Variants in SLC4A4 observed in about 807,000 individuals in gnomAD.
The protein encoded by SLC4A4 is solute carrier family 4 member 4.
In SLC4A4, 27 loss-of-function variants were observed where a neutral mutation model predicts 111.5. The ratio of observed to expected loss-of-function variants is 0.24; its 90% CI spans 0.18 to 0.33. The LOEUF (loss-of-function observed/expected upper bound fraction) is 0.33, where lower values mean the gene tolerates loss of function less well. Among genes scored for constraint, SLC4A4 ranks in the 10% least tolerant of loss-of-function variants. The pLI is 1.00. For synonymous variants in SLC4A4, 443 were observed against 463.4 expected (o/e 0.96, Z 0.57); for missense variants, 909 against 1,315.5 (o/e 0.69, Z 4.78).
chr4:71,468,735 GA>G (rs5859263), intron 13 of SLC4A4, among the ~76,000 whole-genome samples: 15,810 of 148,654 alleles, frequency 0.11, 1,462 homozygotes, highest in East Asian at 0.46. Flanking sequence ...CATGCTCCAT[GA>G]AAAAAAAAAA....
intron 3 of SLC4A4, among the ~76,000 whole-genome samples, chr4:71,307,560 G>T (rs1424786816): frequency 6.6e-6 from 1 of 152,192 alleles, no homozygotes; most frequent in African/African-American, 2.4e-5. Flanking sequence ...TGATTGCCTT[G>T]TTAAATCGTC....
At chr4:71,267,791 C>CAAAAAAAAAAAAAAAGAAAAAAAAAAA (rs1722381182) in intron 3 of SLC4A4, among the ~76,000 whole-genome samples, 2 of 62,360 alleles carry the variant, frequency 3.2e-5, no homozygotes, top group African/African-American at 8.7e-5. Flanking sequence ...GAGAGTCTGC[C>CAAAAAAAAAAAAAAAGAAAAAAAAAAA]AAAAAAAAAA....
rs184609573 is a variant in SLC4A4 at position 71,388,906 on chromosome 4, A to G, written c.731-8671A>G. Reference sequence around the variant, plus strand: ...TTATATCCAGTGTAATATTATTAGAATAAGACTCTCAATGAATTAGAGCAT... The same window carrying G: ...TTATATCCAGTGTAATATTATTAGAGTAAGACTCTCAATGAATTAGAGCAT... On this transcript the variant is annotated intron_variant, in intron 6 of 25. Coordinates refer to ENST00000264485, the MANE Select transcript of SLC4A4 (RefSeq NM_001098484.3). Among the ~76,000 whole-genome samples, 284 of 152,350 alleles carry G rather than the reference A, an allele frequency of 1.9e-3. 1 individual carries two copies. Among genetic ancestry groups the G allele is most frequent in the Admixed American group, 6.8e-3 (104 of 15,306 alleles).
rs547875281 is a variant in SLC4A4, at chr4:71,163,224, C to A, written c.-2+70432C>A. On this transcript the variant is annotated intron_variant, in intron 2 of 26. Coordinates refer to the SLC4A4 transcript ENST00000649996. ...GGGTGTGGGCTTTATTTTTGTCATT[C>A]CAGTTTTATTAGGTTGTCTACTTTA... 3.3e-5 allele frequency among the ~76,000 whole-genome samples: 5 copies of A among 152,202 alleles called. No individual in the cohort carries two copies. The South Asian group carries it at 1.0e-3, about 32-fold the overall frequency.
intron 1 of SLC4A4, among the ~76,000 whole-genome samples, chr4:71,081,736 G>A (rs1165229288): frequency 2.0e-5 from 3 of 152,038 alleles, no homozygotes; most frequent in African/African-American, 7.3e-5. Context: ...CTTCGAACCC[G>A]GGAATCTAGG....
chr4:71,214,303 T>G (rs1578607111), intron 1 of SLC4A4, among the ~76,000 whole-genome samples: 1 of 152,138 alleles, frequency 6.6e-6, no homozygotes, highest in Non-Finnish European at 1.5e-5. Context: ...GGAAGAGGTT[T>G]GAAAGGGAAT....
intron 1 of SLC4A4, among the ~76,000 whole-genome samples, chr4:71,203,861 A>G (rs1479428748): frequency 6.6e-6 from 1 of 152,216 alleles, no homozygotes; most frequent in Non-Finnish European, 1.5e-5. Context: ...GTAGAAGTAT[A>G]TTAAACTAGA....
intron 2 of SLC4A4, among the ~76,000 whole-genome samples, chr4:71,181,377 T>TGTAAA (rs1745288920): frequency 6.6e-6 from 1 of 152,048 alleles, no homozygotes; most frequent in African/African-American, 2.4e-5. Flanking sequence ...AAAAATAATT[T>TGTAAA]GTAAAGTATG....
At chr4:71,352,386 A>G (rs1578898275) in intron 5 of SLC4A4, among the ~76,000 whole-genome samples, 1 of 152,134 alleles carries the variant, frequency 6.6e-6, no homozygotes. Context: ...ATTTTTTACC[A>G]TAGATGATCA....
chr4:71,076,078 A>G (rs1435155222), intron 1 of SLC4A4, among the ~76,000 whole-genome samples: 2 of 152,126 alleles, frequency 1.3e-5, no homozygotes, highest in Non-Finnish European at 2.9e-5. Context: ...TATTGTTTTT[A>G]TCACAACCTA....
At chr4:71,423,064 G>A (rs1362421455) in intron 7 of SLC4A4, among the ~76,000 whole-genome samples, 1 of 152,272 alleles carries the variant, frequency 6.6e-6, no homozygotes, top group South Asian at 2.1e-4. Context: ...GTTTGCAGAC[G>A]ACATGGTTGT....
intron 8 of SLC4A4, among the ~76,000 whole-genome samples, chr4:71,447,066 G>C (rs1284492643): frequency 2.0e-5 from 3 of 152,250 alleles, no homozygotes; most frequent in Non-Finnish European, 4.4e-5. Context: ...GTCTGTGAAT[G>C]ATGCTTTATT....
chr4:71,308,266 G>A (rs904702791), intron 3 of SLC4A4, among the ~76,000 whole-genome samples: 9 of 152,110 alleles, frequency 5.9e-5, no homozygotes, highest in African/African-American at 2.2e-4. Context: ...ATACATAGTA[G>A]TTGTTTAATA....
Position 71,345,208 on chromosome 4 carries a change from A to G in SLC4A4, c.390-4704A>G, listed in dbSNP as rs181325610. 2.0e-5 allele frequency among the ~76,000 whole-genome samples: 3 copies of G among 152,256 alleles called. No individual in the cohort carries two copies. In the East Asian group the frequency reaches 5.8e-4, roughly 29 times the overall value. On this transcript the variant is annotated intron_variant, in intron 4 of 25. Coordinates refer to ENST00000264485, the MANE Select transcript of SLC4A4 (RefSeq NM_001098484.3). ...GCCTGTGCTTCCATTAAGAATGTCT[A>G]GGTGACTAGGTGTCAGCTAATGGGT... is the stretch of plus-strand genomic sequence containing the variant.
At chr4:71,479,094 G>T (rs1032851829) in intron 14 of SLC4A4, among the ~76,000 whole-genome samples, 9 of 151,644 alleles carry the variant, frequency 5.9e-5, no homozygotes, top group Non-Finnish European at 7.4e-5. Context: ...GCCTCAAAGG[G>T]ATAGACACTA....
chr4:71,396,069 T>C lies in SLC4A4; in HGVS notation c.731-1508T>C, dbSNP rs561073115. On this transcript the variant is annotated intron_variant, in intron 6 of 25. Coordinates refer to ENST00000264485, the MANE Select transcript of SLC4A4 (RefSeq NM_001098484.3). ...GGCATTCAGATTGTACCTAGTGTCTTTTGTATTGAGTGGACACTAGAAATC... is the reference window on the plus strand; with the variant it reads ...GGCATTCAGATTGTACCTAGTGTCTCTTGTATTGAGTGGACACTAGAAATC... 1.2e-4 allele frequency among the ~76,000 whole-genome samples: 19 copies of C among 152,316 alleles called. 1 individual carries two copies. Among genetic ancestry groups the C allele is most frequent in the African/African-American group, 4.6e-4 (19 of 41,574 alleles).
chr4:71,353,232 T>C (rs1290987122), intron 5 of SLC4A4, among the ~76,000 whole-genome samples: 2 of 152,240 alleles, frequency 1.3e-5, no homozygotes, highest in Non-Finnish European at 2.9e-5. Context: ...TTAAAAATTG[T>C]CATTACATGT....
intron 16 of SLC4A4, among the ~76,000 whole-genome samples, chr4:71,518,932 G>A (rs1452029997): frequency 6.6e-6 from 1 of 152,182 alleles, no homozygotes; most frequent in Admixed American, 6.5e-5. Context: ...GACAGACCTG[G>A]TGTTGGTGTC....
intron 4 of SLC4A4, among the ~76,000 whole-genome samples, chr4:71,346,476 T>C (rs1363694376): frequency 6.6e-6 from 1 of 151,832 alleles, no homozygotes; most frequent in Non-Finnish European, 1.5e-5. Flanking sequence ...TTCATAGTTA[T>C]TATGAAGGGG....
Sources: gnomAD v4.1 joint callset for allele counts (sites outside exome capture counted in the v4.1 genomes callset) on GRCh38, gnomAD v4.1.1 for gene constraint, MANE v1.5 for transcripts, NCBI Gene and HGNC (gene_info 2026-07-23, HGNC 2026-07-21) for gene names.